The following SPRY3 variants were observed in gnomAD, a reference collection of about 807,000 sequenced individuals.
The protein encoded by SPRY3 is protein sprouty homolog 3.
SPRY3 carries 15 observed loss-of-function variants against 20.2 expected under a neutral mutation model. That is an observed-to-expected ratio of 0.74 (90% CI 0.50 to 1.14). The LOEUF is 1.14. Ranked by LOEUF, SPRY3 falls within the 50% of genes most tolerant of loss-of-function variation. The pLI is 0.00. For synonymous variants in SPRY3, 143 were observed against 136.5 expected (o/e 1.05, Z -0.33); for missense variants, 364 against 363.9 (o/e 1.00, Z 0.00).
chrX:155,630,163 AC>A (rs1218267604), intron 1 of SPRY3, among the ~76,000 whole-genome samples: 1 of 112,143 alleles, frequency 8.9e-6, no homozygotes, highest in Non-Finnish European at 1.9e-5. Context: ...GTCACCATTT[AC>A]ATATTTTAAT....
chrX:155,765,013 G>A (rs1183057133), intron 2 of SPRY3, among the ~76,000 whole-genome samples: 1 of 152,132 alleles, frequency 6.6e-6, no homozygotes, highest in Non-Finnish European at 1.5e-5. Context: ...TCACATGATG[G>A]AAGTGCCAAG....
intron 2 of SPRY3, among the ~76,000 whole-genome samples, chrX:155,704,627 T>C (rs2090936413): frequency 6.6e-6 from 1 of 151,538 alleles, no homozygotes; most frequent in African/African-American, 2.4e-5. Context: ...TGACTGAGAA[T>C]TTTTTTTAAA....
intron 1 of SPRY3, among the ~76,000 whole-genome samples, chrX:155,615,593 C>T (rs2067848728): frequency 8.9e-6 from 1 of 111,845 alleles, no homozygotes. Context: ...TTGAATTTGG[C>T]TGAAGCTTTG....
At chrX:155,650,715 C>G (rs1320457674) in intron 1 of SPRY3, among the ~76,000 whole-genome samples, 1 of 111,815 alleles carries the variant, frequency 8.9e-6, no homozygotes, top group African/African-American at 3.3e-5. Context: ...GTGCATTTAG[C>G]TGAAAGCCTT....
At chrX:155,716,981 A>ATATATATATATATATATATATATATATAT (rs2091027297) in intron 2 of SPRY3, among the ~76,000 whole-genome samples, 1 of 63,500 alleles carries the variant, frequency 1.6e-5, no homozygotes, top group African/African-American at 7.3e-5. Context: ...TAAAATACAA[A>ATATATATATATATATATATATATATATAT]ATATATATAT....
intron 2 of SPRY3, among the ~76,000 whole-genome samples, chrX:155,711,907 T>C (rs1045072111): frequency 4.3e-4 from 66 of 151,730 alleles, no homozygotes; most frequent in African/African-American, 1.6e-3. Flanking sequence ...GTGTTTCCAT[T>C]ATCATTTCTT....
At chrX:155,639,143 ATACT>A (rs782288546) in intron 1 of SPRY3, among the ~76,000 whole-genome samples, 1 of 112,224 alleles carries the variant, frequency 8.9e-6, no homozygotes, top group African/African-American at 3.2e-5. Context: ...ACATTTATAA[ATACT>A]TACTTTGAAA....
chrX:155,712,766 C>T (rs2090995718), intron 2 of SPRY3, among the ~76,000 whole-genome samples: 1 of 151,590 alleles, frequency 6.6e-6, no homozygotes, highest in Admixed American at 6.6e-5. Context: ...TTCTTTCATT[C>T]CTTCCTGTCT....
chrX:155,653,367 C>T (rs1436665636), intron 1 of SPRY3, among the ~76,000 whole-genome samples: 1 of 111,824 alleles, frequency 8.9e-6, no homozygotes, highest in Admixed American at 9.5e-5. Flanking sequence ...AATATTGGTA[C>T]AGTTTTAGCT....
chrX:155,649,079 A>C (rs2067967630), intron 1 of SPRY3, among the ~76,000 whole-genome samples: 1 of 111,773 alleles, frequency 8.9e-6, no homozygotes, highest in African/African-American at 3.3e-5. Flanking sequence ...GAAGAAGTCG[A>C]ATCACTGAAT....
At chrX:155,724,332 G>T (rs2091083180) in intron 2 of SPRY3, among the ~76,000 whole-genome samples, 1 of 152,114 alleles carries the variant, frequency 6.6e-6, no homozygotes, top group African/African-American at 2.4e-5. Flanking sequence ...AAAGTCATTG[G>T]TAGCTCGATG....
At chrX:155,633,608 G>A in intron 1 of SPRY3, among the ~76,000 whole-genome samples, 1 of 110,983 alleles carries the variant, frequency 9.0e-6, no homozygotes, top group Non-Finnish European at 1.9e-5. Context: ...CTGAATTGAT[G>A]TTAATTTCTG....
chrX:155,773,343 A>C (rs1239952793), intron 3 of SPRY3, among the ~76,000 whole-genome samples: 1 of 96,100 alleles, frequency 1.0e-5, no homozygotes, highest in African/African-American at 3.8e-5. Flanking sequence ...TATATATATG[A>C]GCAACTTCTC....
chrX:155,635,765 G>T (rs1557350957), intron 1 of SPRY3, among the ~76,000 whole-genome samples: 2 of 111,646 alleles, frequency 1.8e-5, no homozygotes, highest in African/African-American at 6.5e-5. Flanking sequence ...ACTGTCGGTG[G>T]GACTGTAAAC....
rs757220717 is a variant in SPRY3, at chrX:155,765,006, C to T, written c.-281-2956C>T. On this transcript the variant is annotated intron_variant, in intron 2 of 3. Coordinates refer to ENST00000675360, the Ensembl canonical transcript of SPRY3. ...ACAGCACCTTCTCACTGTGTCCTCACATGATGGAAGTGCCAAGGCAGGTCT... is the reference window on the plus strand; with the variant it reads ...ACAGCACCTTCTCACTGTGTCCTCATATGATGGAAGTGCCAAGGCAGGTCT... 4.5e-3 allele frequency among the ~76,000 whole-genome samples: 689 copies of T among 152,252 alleles called. 5 individuals are homozygous for T. Among genetic ancestry groups the T allele is most frequent in the African/African-American group, 0.016 (656 of 41,548 alleles).
intron 2 of SPRY3, among the ~76,000 whole-genome samples, chrX:155,683,242 T>A (rs2068078663): frequency 8.9e-6 from 1 of 112,123 alleles, no homozygotes; most frequent in Non-Finnish European, 1.9e-5. Context: ...GTGGGTAAAA[T>A]GCTATCAAAC....
At chrX:155,664,987 A>T (rs1281525604) in intron 2 of SPRY3, among the ~76,000 whole-genome samples, 2 of 110,805 alleles carry the variant, frequency 1.8e-5, no homozygotes, top group Non-Finnish European at 1.9e-5. Flanking sequence ...CTGACAGAAG[A>T]TATTTACAAC....
intron 2 of SPRY3, among the ~76,000 whole-genome samples, chrX:155,716,842 A>T (rs2091026343): frequency 6.6e-6 from 1 of 151,410 alleles, no homozygotes; most frequent in South Asian, 2.1e-4. Context: ...TACGTTTTTA[A>T]GATATCATTG....
chrX:155,768,533 G>T lies in SPRY3; in HGVS notation c.-107+397G>T, dbSNP rs771448548. Among the ~76,000 whole-genome samples, 5 of 152,302 alleles carry T rather than the reference G, an allele frequency of 3.3e-5. No homozygotes were observed. The South Asian group carries it at 1.0e-3, about 32-fold the overall frequency. ...TAAGGCCAGTCTGGCTGCCCAGCGG[G>T]CATCCTGTCAGCATGGGGCTAGCCT... On this transcript the variant is annotated intron_variant, in intron 3 of 3. Coordinates refer to ENST00000675360, the Ensembl canonical transcript of SPRY3.
Sources: allele counts gnomAD v4.1 joint callset (sites outside exome capture counted in the v4.1 genomes callset), GRCh38; gene constraint gnomAD v4.1.1; transcripts MANE v1.5; gene names NCBI Gene and HGNC (gene_info 2026-07-23, HGNC 2026-07-21).